The following PRKG2 variants were observed in gnomAD, a reference collection of about 807,000 sequenced individuals.
The protein encoded by PRKG2 is cGMP-dependent protein kinase 2.
PRKG2 carries 33 observed loss-of-function variants against 97.2 expected under a neutral mutation model. The ratio of observed to expected loss-of-function variants is 0.34; its 90% CI spans 0.26 to 0.45. PRKG2 has a LOEUF of 0.45. Ranked by LOEUF, PRKG2 falls within the 20% of genes least tolerant of loss-of-function variation. PRKG2 has a pLI of 1.00. For missense variants in PRKG2, 638 were observed against 900.0 expected (o/e 0.71, Z 3.73); for synonymous variants, 330 against 321.8 (o/e 1.03, Z -0.27).
chr4:81,115,132 A>G (rs1744385228), intron 14 of PRKG2, among the ~76,000 whole-genome samples: 1 of 152,130 alleles, frequency 6.6e-6, no homozygotes, highest in Non-Finnish European at 1.5e-5. Flanking sequence ...AAATGTATAC[A>G]AGAGTAAAAA....
intron 14 of PRKG2, among the ~76,000 whole-genome samples, chr4:81,112,471 G>T (rs1320070892): frequency 6.6e-6 from 1 of 152,110 alleles, no homozygotes; most frequent in Non-Finnish European, 1.5e-5. Flanking sequence ...ACAGACTTTT[G>T]ACGCATTTCT....
chr4:81,104,561 T>C (rs929561090), intron 16 of PRKG2, 129 bp from the exon 17 acceptor site: 7 of 373,430 alleles, frequency 1.9e-5, no homozygotes, highest in African/African-American at 4.3e-5. Context: ...TTAAAAAACA[T>C]GCATGAAGTT....
chr4:81,159,796 C>A (rs981304204), intron 6 of PRKG2, among the ~76,000 whole-genome samples: 7 of 151,882 alleles, frequency 4.6e-5, no homozygotes, highest in African/African-American at 1.7e-4. Flanking sequence ...ATGATGAGTT[C>A]ATGTCCTTTG....
rs184555728 is a variant in PRKG2 at position 81,103,791 on chromosome 4, G to A, written c.2126+579C>T. 2.9e-3 allele frequency among the ~76,000 whole-genome samples: 444 copies of A among 152,270 alleles called. 1 individual carries two copies. Among genetic ancestry groups the A allele is most frequent in the African/African-American group, 0.01 (420 of 41,556 alleles). ...CTTGTGCCTATAATCCCAGCACTTTGGGAGGCTGAGGCAGGTGGATCATGA... is the reference window on the plus strand; with the variant it reads ...CTTGTGCCTATAATCCCAGCACTTTAGGAGGCTGAGGCAGGTGGATCATGA... On this transcript the variant is annotated intron_variant, in intron 17 of 18. Coordinates refer to ENST00000264399, the MANE Select transcript of PRKG2 (RefSeq NM_006259.3).
intron 17 of PRKG2, among the ~76,000 whole-genome samples, chr4:81,103,605 G>C (rs1743030823): frequency 6.6e-6 from 1 of 152,104 alleles, no homozygotes; most frequent in Admixed American, 6.6e-5. Flanking sequence ...CCATCCTCTT[G>C]AATACTGGCA....
intron 14 of PRKG2, among the ~76,000 whole-genome samples, chr4:81,125,718 C>A (rs1244764156): frequency 1.3e-5 from 2 of 152,132 alleles, no homozygotes; most frequent in African/African-American, 2.4e-5. Flanking sequence ...TTACAAATTT[C>A]TTTTTCTACT....
chr4:81,146,799 A>G (rs1023505172), intron 9 of PRKG2, among the ~76,000 whole-genome samples: 3 of 152,176 alleles, frequency 2.0e-5, no homozygotes, highest in African/African-American at 7.2e-5. Flanking sequence ...TAATGATATG[A>G]CAAGGGTATA....
intron 6 of PRKG2, among the ~76,000 whole-genome samples, chr4:81,157,365 C>A (rs1274001278): frequency 6.6e-6 from 1 of 152,102 alleles, no homozygotes; most frequent in Non-Finnish European, 1.5e-5. Context: ...ATACACTCTC[C>A]CAAGACTAAA....
At chr4:81,195,008 C>A (rs923522787) in intron 2 of PRKG2, among the ~76,000 whole-genome samples, 1 of 152,078 alleles carries the variant, frequency 6.6e-6, no homozygotes, top group African/African-American at 2.4e-5. Context: ...GGGTTAGACC[C>A]AGGCATCAGT....
intron 2 of PRKG2, chr4:81,175,580 C>T (rs1750851793): frequency 6.6e-6 from 1 of 152,078 alleles, no homozygotes. Context: ...GGGAGAAAGC[C>T]TTTGGGGCTT....
intron 2 of PRKG2, among the ~76,000 whole-genome samples, chr4:81,190,671 A>T (rs377738481): frequency 2.9e-4 from 44 of 152,198 alleles, no homozygotes; most frequent in African/African-American, 7.5e-4. Flanking sequence ...TGGGAGAAAA[A>T]GTTTGCAATC....
chr4:81,148,728 T>G (rs528870151), intron 9 of PRKG2, among the ~76,000 whole-genome samples, 156 bp downstream of exon 9: 1 of 152,292 alleles, frequency 6.6e-6, no homozygotes, highest in Admixed American at 6.5e-5. Context: ...AAGGCCCTGT[T>G]CCTTCCCATG....
intron 14 of PRKG2, among the ~76,000 whole-genome samples, chr4:81,134,448 A>G (rs1224374175): frequency 6.6e-6 from 1 of 152,198 alleles, no homozygotes; most frequent in Non-Finnish European, 1.5e-5. Context: ...CTCAGGTAAA[A>G]GCTTGGGTTC....
Position 81,089,733 on chromosome 4 carries a change from A to T in PRKG2, c.2264T>A (p.Leu755Gln), listed in dbSNP as rs1007287261. The stretch of plus-strand genomic sequence containing the variant: ...TCAGAAGTCTTTATCCCAGCCTGAT[A>T]GCTCATCTGGAGGCATTCCCTTTTC... Reference protein sequence around the residue: ...PPEKGMPPDELSGWDKDF With the variant: ...PPEKGMPPDEQSGWDKDF The change falls in exon 19 of 19, where the codon CTA (leucine) becomes CAA (glutamine). Residue 755 changes from leucine (L) to glutamine (Q), a missense_variant. This residue lies in a region of PRKG2 where 304 missense variants were observed against 460.5 expected (regional missense o/e 0.66). Coordinates refer to ENST00000264399, the MANE Select transcript of PRKG2 (RefSeq NM_006259.3). 6.2e-7 allele frequency: 1 copy of T among 1,612,516 alleles called. No individual in the cohort carries two copies. Among genetic ancestry groups the T allele is most frequent in the East Asian group, 2.2e-5 (1 of 44,838 alleles).
At chr4:81,210,243 T>C (rs914093545) in intron 1 of PRKG2, among the ~76,000 whole-genome samples, 1 of 150,596 alleles carries the variant, frequency 6.6e-6, no homozygotes, top group Non-Finnish European at 1.5e-5. Context: ...TTTGACTTGA[T>C]TAAAATTTAA....
Position 81,171,998 on chromosome 4 carries a change from TGAGAAAC to T in PRKG2, c.629-201_629-195del, listed in dbSNP as rs1185717266. Among the ~76,000 whole-genome samples the T allele has an allele frequency of 2.0e-5, 3 of 151,994 alleles. No individual in the cohort carries two copies. In the East Asian group the frequency reaches 5.8e-4, roughly 29 times the overall value. The stretch of plus-strand genomic sequence containing the variant: ...CCACTTACTATTAGCTGGGTTGCCT[TGAGAAAC>T]TTACGCTATCTGTCTGAAGTTCCTC... On this transcript the variant is annotated intron_variant, in intron 3 of 18. Transcript: ENST00000264399.
chr4:81,181,036 C>T (rs904318728), intron 2 of PRKG2, among the ~76,000 whole-genome samples: 3 of 143,172 alleles, frequency 2.1e-5, no homozygotes, highest in African/African-American at 7.5e-5. Flanking sequence ...TTCCTGTGTC[C>T]ATGTGTTCTC....
chr4:81,176,014 A>G (rs1406133107), intron 2 of PRKG2: 1 of 152,238 alleles, frequency 6.6e-6, no homozygotes, highest in African/African-American at 2.4e-5. Flanking sequence ...ATCTTTTTCT[A>G]CACAAAAAGT....
chr4:81,159,201 A>T (rs868025985), intron 6 of PRKG2, among the ~76,000 whole-genome samples: 7 of 152,328 alleles, frequency 4.6e-5, no homozygotes, highest in African/African-American at 1.7e-4. Context: ...AAATTTTTGC[A>T]ACCTACTCAT....
Sources: gnomAD v4.1 joint callset for allele counts (sites outside exome capture counted in the v4.1 genomes callset) on GRCh38, gnomAD v4.1.1 for gene constraint, gnomAD v4.1.1 regional missense constraint, MANE v1.5 for transcripts, NCBI Gene and HGNC (gene_info 2026-07-23, HGNC 2026-07-21) for gene names.